Variants in NFIX observed in about 807,000 individuals in gnomAD.
NFIX encodes nuclear factor I X.
Under a neutral mutation model 53.3 loss-of-function variants are expected in NFIX, and 2 were observed. The ratio of observed to expected loss-of-function variants is 0.04; its 90% CI spans 0.02 to 0.12. The LOEUF (loss-of-function observed/expected upper bound fraction) is 0.12, where lower values mean the gene tolerates loss of function less well. NFIX is among the 10% of genes least tolerant of loss of function. The pLI is 1.00. For synonymous variants in NFIX, 244 were observed against 289.0 expected (o/e 0.84, Z 1.58); for missense variants, 310 against 674.5 (o/e 0.46, Z 5.99).
chr19:13,095,704 C>G lies in NFIX; in HGVS notation c.*1055C>G, dbSNP rs925965488. On this transcript the variant is annotated 3_prime_UTR_variant, in exon 11 of 11. Coordinates refer to ENST00000592199, the MANE Select transcript of NFIX (RefSeq NM_001365902.3). Reference sequence around the variant, plus strand: ...AGGAGGACCAGGCAGCCGCCGCTGCCGCGCTAAGCCACCACCTGCGCTTAG... The same window carrying G: ...AGGAGGACCAGGCAGCCGCCGCTGCGGCGCTAAGCCACCACCTGCGCTTAG... 1.3e-5 allele frequency: 2 copies of G among 152,526 alleles called. No individual in the cohort carries two copies. Among genetic ancestry groups the G allele is most frequent in the South Asian group, 2.1e-4 (1 of 4,836 alleles). 9.4% of individuals were successfully genotyped at this position (152,526 alleles called of 1,614,324 possible). A position where few individuals can be genotyped will look rare whatever the true frequency, so the allele number is the denominator to read the frequency against.
At chr19:13,091,049 C>A (rs1052414048) in intron 10 of NFIX, among the ~76,000 whole-genome samples, 3 of 152,128 alleles carry the variant, frequency 2.0e-5, no homozygotes, top group African/African-American at 7.2e-5. Flanking sequence ...TCTTAGCCCT[C>A]CAGGTGGAGA....
rs1266906401 is a variant in NFIX, at chr19:13,068,124, A to C, written c.560-4923A>C. On this transcript the variant is annotated intron_variant, in intron 2 of 10. Transcript: ENST00000592199. The surrounding 1 kb of genome is among the most constrained non-coding windows in gnomAD (Gnocchi z 4.2). Reference sequence around the variant, plus strand: ...CATCTCAAAAAAAAAACAAAAACAAAAACAAAAAACAAAAACATGCTGTCA... The same window carrying C: ...CATCTCAAAAAAAAAACAAAAACAACAACAAAAAACAAAAACATGCTGTCA... Among the ~76,000 whole-genome samples, 1 of 152,034 alleles carries C rather than the reference A, an allele frequency of 6.6e-6. No individual in the cohort carries two copies. The highest frequency in any genetic ancestry group is 3.4e-3 in the Middle Eastern group (1 of 294).
In NFIX at chr19:13,081,901, CATCT is replaced by C. The variant is rs1568325739; in HGVS notation, c.1254+51_1254+54del. The C allele has an allele frequency of 3.1e-6, 5 of 1,602,584 alleles. No individual in the cohort carries two copies. Among genetic ancestry groups the C allele is most frequent in the Admixed American group, 1.7e-5 (1 of 59,244 alleles). On this transcript the variant is annotated intron_variant, in intron 8 of 10. Transcript: ENST00000592199. The surrounding 1 kb of genome is among the most constrained non-coding windows in gnomAD (Gnocchi z 4.7). ...GAGCCCGGCTACAGCCTCATCTCCA[CATCT>C]ATCTGTCTGTCTCAGGGCTCACAGG... is the stretch of plus-strand genomic sequence containing the variant.
chr19:13,031,772 C>T (rs1277071463), intron 2 of NFIX, among the ~76,000 whole-genome samples: 1 of 152,186 alleles, frequency 6.6e-6, no homozygotes, highest in Admixed American at 6.5e-5. Flanking sequence ...CTTGGCCACC[C>T]TCTAGTGTTA....
chr19:13,032,422 G>C (rs972777080), intron 2 of NFIX, among the ~76,000 whole-genome samples: 1 of 152,196 alleles, frequency 6.6e-6, no homozygotes, highest in South Asian at 2.1e-4. Context: ...GTAGAGGAAA[G>C]GTCTGAGGTG....
intron 10 of NFIX, among the ~76,000 whole-genome samples, chr19:13,091,288 C>T (rs943656691): frequency 7.9e-5 from 12 of 151,654 alleles, no homozygotes; most frequent in Admixed American, 2.0e-4. Context: ...GGCCACCTCT[C>T]ATCTCCTGCT....
chr19:13,070,601 G>A (rs2016713954), intron 2 of NFIX: 1 of 152,438 alleles, frequency 6.6e-6, no homozygotes, highest in African/African-American at 2.4e-5. Context: ...GAGCATGTCA[G>A]GGGCCGGCGG....
chr19:13,067,506 ATGTG>A lies in NFIX; in HGVS notation c.560-5535_560-5532del, dbSNP rs2016500991. Among the ~76,000 whole-genome samples the A allele has an allele frequency of 8.2e-6, 1 of 122,504 alleles. No individual in the cohort carries two copies. The highest frequency in any genetic ancestry group is 2.2e-4 in the East Asian group (1 of 4,458). The allele number at this position is 122,504 out of a possible 152,430, so 80.4% of individuals were successfully genotyped here. On this transcript the variant is annotated intron_variant, in intron 2 of 10. Transcript: ENST00000592199. The surrounding 1 kb of genome is among the most constrained non-coding windows in gnomAD (Gnocchi z 4.2). ...TGCGTGTGTGTGTGTGTGTGTGTGT[ATGTG>A]TGTGTCTGAGTCTGAGCATATGAGT...
chr19:13,026,164 T>C (rs1282553154), intron 2 of NFIX, among the ~76,000 whole-genome samples: 1 of 152,176 alleles, frequency 6.6e-6, no homozygotes, highest in Non-Finnish European at 1.5e-5. Flanking sequence ...GGGATTTGGC[T>C]GTCAGTATGA....
In NFIX at chr19:13,072,443, C is replaced by G. The variant is rs1371337007; in HGVS notation, c.560-604C>G. Reference sequence around the variant, plus strand: ...CCCCCCTCTGGGTTGCCAGGCACTGCCTCTGAGCATAAAGGTGAGGTGGGG... The same window carrying G: ...CCCCCCTCTGGGTTGCCAGGCACTGGCTCTGAGCATAAAGGTGAGGTGGGG... On this transcript the variant is annotated intron_variant, in intron 2 of 10. Coordinates refer to ENST00000592199, the MANE Select transcript of NFIX (RefSeq NM_001365902.3). The surrounding 1 kb of genome is among the most constrained non-coding windows in gnomAD (Gnocchi z 4.0). Among the ~76,000 whole-genome samples the G allele has an allele frequency of 6.6e-6, 1 of 152,216 alleles. No homozygotes were observed. The highest frequency in any genetic ancestry group is 1.9e-4 in the East Asian group (1 of 5,198).
rs1049051519 is a variant in NFIX at position 13,084,259 on chromosome 19, A to T, written c.1254+2404A>T. On this transcript the variant is annotated intron_variant, in intron 8 of 10. Transcript: ENST00000592199. ...CAGGAGTTCGAGACCAGCCTGGGCAACACGGTAAAACCCCTCTCTACTAAA... is the reference window on the plus strand; with the variant it reads ...CAGGAGTTCGAGACCAGCCTGGGCATCACGGTAAAACCCCTCTCTACTAAA... Among the ~76,000 whole-genome samples the T allele has an allele frequency of 2.0e-5, 3 of 152,150 alleles. No homozygotes were observed. The South Asian group carries it at 6.2e-4, about 32-fold the overall frequency.
At chr19:12,999,421 C>G (rs1048205920) in intron 1 of NFIX, among the ~76,000 whole-genome samples, 3 of 151,986 alleles carry the variant, frequency 2.0e-5, no homozygotes, top group Admixed American at 2.0e-4. Flanking sequence ...ATCCACCTGC[C>G]TCGGCCTCCC....
rs1347172463 is a variant in NFIX, at chr19:12,998,580, T to TG, written c.27+2722dup. On this transcript the variant is annotated intron_variant, in intron 1 of 10. Transcript: ENST00000592199. This position sits in a 1 kb window ranked among gnomAD's most constrained non-coding sequence, Gnocchi z 4.4. ...CCTGAGTCTCAGGCGGAGAGAGGGG[T>TG]GGGGGGTGGATGGATGGACCCCCAT... Among the ~76,000 whole-genome samples the TG allele has an allele frequency of 6.6e-6, 1 of 150,532 alleles. No individual in the cohort carries two copies. The highest frequency in any genetic ancestry group is 2.5e-5 in the African/African-American group (1 of 40,794).
chr19:13,053,020 G>C (rs906874565), intron 2 of NFIX, among the ~76,000 whole-genome samples: 1 of 152,202 alleles, frequency 6.6e-6, no homozygotes, highest in African/African-American at 2.4e-5. Context: ...CCTTCCTTCC[G>C]TGTGGCCCCA....
intron 1 of NFIX, among the ~76,000 whole-genome samples, chr19:13,015,686 G>A (rs1171271254): frequency 1.3e-5 from 2 of 152,134 alleles, no homozygotes; most frequent in Admixed American, 6.5e-5. Context: ...CTTTCAGCTC[G>A]GCGGGTCCTG....
intron 2 of NFIX, among the ~76,000 whole-genome samples, chr19:13,047,116 A>G (rs1056057576): frequency 3.3e-5 from 5 of 152,210 alleles, no homozygotes; most frequent in Non-Finnish European, 5.9e-5. Flanking sequence ...CCCAGCATCA[A>G]CGATGAGCCT....
At position 13,081,768 on chromosome 19, in the gene NFIX, C is replaced by T. The variant is rs1473022634; in HGVS notation, c.1167C>T (p.Ile389=). The stretch of plus-strand genomic sequence containing the variant: ...GCCCGTATTTCACGCACCCGACCAT[C>T]CGCTACCACCACCACCACGGGCAGG... ...QSSPYFTHPT[I]RYHHHHGQDS... Residue 389 remains isoleucine, a synonymous_variant, in exon 8 of 11, where the codon ATC becomes ATT. Coordinates refer to ENST00000592199, the MANE Select transcript of NFIX (RefSeq NM_001365902.3). The surrounding 1 kb of genome is among the most constrained non-coding windows in gnomAD (Gnocchi z 4.7). 1.2e-6 allele frequency: 2 copies of T among 1,614,036 alleles called. No homozygotes were observed.
At chr19:13,026,881 C>T (rs1013274718) in intron 2 of NFIX, among the ~76,000 whole-genome samples, 2 of 152,050 alleles carry the variant, frequency 1.3e-5, no homozygotes, top group African/African-American at 2.4e-5. Flanking sequence ...TGTTTCTCCG[C>T]GAGTGTGTGT....
intron 8 of NFIX, chr19:13,082,180 C>T: frequency 3.0e-6 from 1 of 332,990 alleles, no homozygotes; most frequent in Non-Finnish European, 5.6e-6. Flanking sequence ...TGGGCCCTGA[C>T]CTCCCAGCGC....
Sources: gnomAD v4.1 joint callset for allele counts (sites outside exome capture counted in the v4.1 genomes callset) on GRCh38, gnomAD v4.1.1 for gene constraint, Gnocchi (gnomAD v3.1) non-coding constraint, MANE v1.5 for transcripts, NCBI Gene and HGNC (gene_info 2026-07-23, HGNC 2026-07-21) for gene names.